The following GAREM1 variants were observed in gnomAD, a reference collection of about 807,000 sequenced individuals.
GAREM1 encodes GRB2-associated and regulator of MAPK protein 1.
A neutral mutation model predicts 71.3 loss-of-function variants in GAREM1; 26 were observed. The observed-to-expected ratio is 0.36, with a 90% CI of 0.27 to 0.51. The LOEUF (loss-of-function observed/expected upper bound fraction) is 0.51, where lower values mean the gene tolerates loss of function less well. Among genes scored for constraint, GAREM1 ranks in the 20% least tolerant of loss-of-function variants. GAREM1 has a pLI of 0.95. For missense variants in GAREM1, 1,026 were observed against 1,103.1 expected (o/e 0.93, Z 0.99); for synonymous variants, 440 against 433.2 (o/e 1.02, Z -0.20).
chr18:32,350,663 T>A (rs927993228), intron 2 of GAREM1, among the ~76,000 whole-genome samples: 8 of 152,188 alleles, frequency 5.3e-5, no homozygotes, highest in Non-Finnish European at 8.8e-5. Flanking sequence ...ACATGCCAAG[T>A]AAACTCTTGA....
intron 3 of GAREM1, among the ~76,000 whole-genome samples, chr18:32,290,657 A>G (rs1567951448): frequency 2.6e-5 from 4 of 151,992 alleles, no homozygotes; most frequent in Non-Finnish European, 4.4e-5. Context: ...AAAAAAAAAA[A>G]AAAGAAAAAT....
At chr18:32,404,859 C>T (rs887119015) in intron 1 of GAREM1, among the ~76,000 whole-genome samples, 1 of 152,128 alleles carries the variant, frequency 6.6e-6, no homozygotes, top group Non-Finnish European at 1.5e-5. Flanking sequence ...TTTCTTAGTA[C>T]ATATATAATA....
rs146973876 is a variant in GAREM1, at chr18:32,388,010, G to C, written c.262+4885C>G. 9.7e-4 allele frequency among the ~76,000 whole-genome samples: 147 copies of C among 152,296 alleles called. 1 individual carries two copies. Among genetic ancestry groups the C allele is most frequent in the South Asian group, 1.5e-3 (7 of 4,824 alleles). On this transcript the variant is annotated intron_variant, in intron 2 of 5. Coordinates refer to ENST00000269209, the MANE Select transcript of GAREM1 (RefSeq NM_001242409.2). Reference sequence around the variant, plus strand: ...GTAAGGGGTACTACTTGGAATAGGAGAGTGTAGGAGCCTTGACCAAAGGAG... The same window carrying C: ...GTAAGGGGTACTACTTGGAATAGGACAGTGTAGGAGCCTTGACCAAAGGAG...
chr18:32,307,757 A>C (rs2047270837), intron 3 of GAREM1, among the ~76,000 whole-genome samples: 1 of 152,138 alleles, frequency 6.6e-6, no homozygotes, highest in South Asian at 2.1e-4. Flanking sequence ...TCCTGACCTC[A>C]GGTGATCCAC....
At chr18:32,365,171 A>G (rs903806215) in intron 2 of GAREM1, among the ~76,000 whole-genome samples, 3 of 152,224 alleles carry the variant, frequency 2.0e-5, no homozygotes, top group South Asian at 2.1e-4. Flanking sequence ...CTTCACAAAG[A>G]ACACTGGTTC....
intron 2 of GAREM1, among the ~76,000 whole-genome samples, chr18:32,314,506 A>G (rs1417377652): frequency 2.6e-5 from 4 of 152,204 alleles, no homozygotes; most frequent in Admixed American, 6.5e-5. Context: ...AGTATTCAGC[A>G]CAAGTGACCA....
intron 2 of GAREM1, among the ~76,000 whole-genome samples, chr18:32,334,977 G>T (rs1320221928): frequency 6.6e-6 from 1 of 152,128 alleles, no homozygotes; most frequent in Non-Finnish European, 1.5e-5. Flanking sequence ...GGAGCTTTGA[G>T]GACCGCTCTT....
chr18:32,426,738 T>C (rs572850909), intron 1 of GAREM1, among the ~76,000 whole-genome samples: 1 of 152,332 alleles, frequency 6.6e-6, no homozygotes, highest in African/African-American at 2.4e-5. Context: ...GGTTACAAAA[T>C]TTATCAAACT....
At chr18:32,358,048 G>C (rs2144603797) in intron 2 of GAREM1, among the ~76,000 whole-genome samples, 1 of 152,136 alleles carries the variant, frequency 6.6e-6, no homozygotes, top group South Asian at 2.1e-4. Context: ...CCTCACTTCA[G>C]GGTGACAAGC....
chr18:32,380,045 T>C (rs1433832229), intron 2 of GAREM1, among the ~76,000 whole-genome samples: 2 of 152,212 alleles, frequency 1.3e-5, no homozygotes, highest in African/African-American at 2.4e-5. Flanking sequence ...GATTGCTCCA[T>C]TGCTCCCCCC....
chr18:32,363,991 T>TATAC (rs1221243353), intron 2 of GAREM1, among the ~76,000 whole-genome samples: 5 of 50,166 alleles, frequency 1.0e-4, no homozygotes, highest in East Asian at 5.6e-4. Flanking sequence ...TAAATACATA[T>TATAC]ATACATATAT....
intron 2 of GAREM1, among the ~76,000 whole-genome samples, chr18:32,358,261 C>T (rs929292239): frequency 1.3e-5 from 2 of 151,932 alleles, no homozygotes; most frequent in African/African-American, 4.8e-5. Context: ...TCCCAGTCTG[C>T]CATGCAGTGA....
chr18:32,294,594 C>G (rs1048346042), intron 3 of GAREM1, among the ~76,000 whole-genome samples: 5 of 152,188 alleles, frequency 3.3e-5, no homozygotes, highest in Non-Finnish European at 5.9e-5. Flanking sequence ...ACATAATTCT[C>G]ATCATTTATT....
intron 1 of GAREM1, among the ~76,000 whole-genome samples, chr18:32,413,530 A>C (rs1223744363): frequency 6.6e-6 from 1 of 152,196 alleles, no homozygotes; most frequent in Non-Finnish European, 1.5e-5. Flanking sequence ...GACATTCTAC[A>C]TCTATGACTT....
chr18:32,459,015 A>G (rs114647345), intron 1 of GAREM1, among the ~76,000 whole-genome samples: 1,851 of 152,214 alleles, frequency 0.012, 31 homozygotes, highest in African/African-American at 0.043. Context: ...AATGTCTCGC[A>G]ACAGTCAAAT....
chr18:32,316,003 C>A (rs2047374846), intron 2 of GAREM1, among the ~76,000 whole-genome samples: 1 of 152,086 alleles, frequency 6.6e-6, no homozygotes, highest in African/African-American at 2.4e-5. Context: ...CTATCAGTAG[C>A]CTCAAACATA....
intron 2 of GAREM1, among the ~76,000 whole-genome samples, chr18:32,364,871 C>T (rs2047913542): frequency 6.9e-6 from 1 of 144,294 alleles, no homozygotes; most frequent in Non-Finnish European, 1.5e-5. Flanking sequence ...CATATAAGAG[C>T]ACAGACACAC....
intron 3 of GAREM1, among the ~76,000 whole-genome samples, chr18:32,304,451 T>C (rs952073739): frequency 2.0e-5 from 3 of 152,234 alleles, no homozygotes; most frequent in Admixed American, 1.3e-4. Context: ...TTGCAAACCT[T>C]ATCTTACAGG....
At chr18:32,282,520 C>T (rs922080898) in intron 4 of GAREM1, among the ~76,000 whole-genome samples, 1 of 152,138 alleles carries the variant, frequency 6.6e-6, no homozygotes, top group African/African-American at 2.4e-5. Context: ...GAGCTGTGAA[C>T]CTGCAGGGTT....
Sources: allele counts gnomAD v4.1 joint callset (sites outside exome capture counted in the v4.1 genomes callset), GRCh38; gene constraint gnomAD v4.1.1; transcripts MANE v1.5; gene names NCBI Gene and HGNC (gene_info 2026-07-23, HGNC 2026-07-21).